The following TENM3 variants were observed in gnomAD, a reference collection of about 807,000 sequenced individuals.
TENM3 encodes the protein teneurin transmembrane protein 3.
A neutral mutation model predicts 255.1 loss-of-function variants in TENM3; 63 were observed. The ratio of observed to expected loss-of-function variants is 0.25; its 90% confidence interval spans 0.20 to 0.30. The LOEUF (loss-of-function observed/expected upper bound fraction) is 0.30, where lower values mean the gene tolerates loss of function less well. Ranked by LOEUF, TENM3 falls within the 10% of genes least tolerant of loss-of-function variation. TENM3 has a pLI of 1.00. For missense variants in TENM3, 2,929 were observed against 3,461.1 expected, an observed-to-expected ratio of 0.85 and a Z score of 3.86; for synonymous variants, 1,306 against 1,322.3, an observed-to-expected ratio of 0.99 and a Z score of 0.27.
intron 3 of TENM3, among the ~76,000 whole-genome samples, chr4:182,462,352 C>T (rs1287246161): frequency 2.0e-5 from 3 of 151,998 alleles, no homozygotes; most frequent in East Asian, 3.9e-4. Flanking sequence ...AGCCACTGCT[C>T]CCGGCCTAGG....
chr4:182,073,554 G>C, the TENM3 span, among the ~76,000 whole-genome samples: 1 of 152,188 alleles, frequency 6.6e-6, no homozygotes, highest in South Asian at 2.1e-4. Context: ...GTGGTGTTTT[G>C]TTATGGCAGC....
rs555855579 is a variant in TENM3 at position 182,233,756 on chromosome 4, C to T, written c.-76+89002C>T. Among the ~76,000 whole-genome samples, 5 of 152,314 alleles carry T rather than the reference C, an allele frequency of 3.3e-5. No homozygotes were observed. The South Asian group carries it at 1.0e-3, about 32-fold the overall frequency. On this transcript the variant is annotated intron_variant, in intron 1 of 2. Coordinates refer to the TENM3 transcript ENST00000512480. ...AATGTCCTAGGTGACAAGATATTTC[C>T]AGTTTTTTCCCATTGAACAAAAAAA... is the stretch of plus-strand genomic sequence containing the variant.
intron 17 of TENM3, 79 bp from the exon 18 acceptor site, chr4:182,738,322 C>A: frequency 7.5e-7 from 1 of 1,337,026 alleles, no homozygotes; most frequent in Non-Finnish European, 1.0e-6. Context: ...GTGAAAAAGG[C>A]AGTTTTTTCC....
At chr4:181,787,645 A>G in the TENM3 span, among the ~76,000 whole-genome samples, 2 of 152,036 alleles carry the variant, frequency 1.3e-5, no homozygotes, top group African/African-American at 4.8e-5. Context: ...TGGCCCATCC[A>G]TCCTTAACAT....
At chr4:182,005,493 C>T in the TENM3 span, among the ~76,000 whole-genome samples, 23 of 152,170 alleles carry the variant, frequency 1.5e-4, no homozygotes, top group Non-Finnish European at 2.1e-4. Flanking sequence ...AGTTTGAAGT[C>T]AGGTAGCGTG....
chr4:182,678,690 AG>A (rs971160284), intron 7 of TENM3, among the ~76,000 whole-genome samples: 9 of 152,196 alleles, frequency 5.9e-5, no homozygotes, highest in Non-Finnish European at 4.4e-5. Context: ...CCTTCCTACG[AG>A]GGTTCCTATG....
the TENM3 span, among the ~76,000 whole-genome samples, chr4:181,964,561 C>T: frequency 5.9e-5 from 9 of 151,814 alleles, no homozygotes; most frequent in African/African-American, 2.2e-4. Flanking sequence ...TCTTCATCCC[C>T]CCAACACTCT....
chr4:182,799,768 A>G lies in TENM3; in HGVS notation c.7517A>G (p.Gln2506Arg). The part of the protein sequence containing the change: ...IGKGVMLAVS[Q>R]GRVQTNVLNI... Reference sequence around the variant, plus strand: ...AAGGGCGTCATGCTGGCCGTCAGCCAGGGCCGCGTGCAGACCAACGTGCTC... The same window carrying G: ...AAGGGCGTCATGCTGGCCGTCAGCCGGGGCCGCGTGCAGACCAACGTGCTC... Residue 2506 changes from glutamine (Q) to arginine (R), a missense_variant, in exon 28 of 28, where the codon CAG becomes CGG. Gln to Arg is a conservative substitution (Grantham distance 43). Around this residue, in one of 6 missense-constraint regions of TENM3, gnomAD observed 476 missense variants for 480.1 expected, o/e 0.99. Transcript: ENST00000511685. This position sits in a 1 kb window ranked among gnomAD's most constrained non-coding sequence, Gnocchi z 4.2. 6.3e-7 allele frequency: 1 copy of G among 1,583,216 alleles called. No homozygotes were observed. Among genetic ancestry groups the G allele is most frequent in the Non-Finnish European group, 8.6e-7 (1 of 1,165,768 alleles).
At chr4:181,783,736 C>T in the TENM3 span, among the ~76,000 whole-genome samples, 2 of 152,132 alleles carry the variant, frequency 1.3e-5, no homozygotes, top group Non-Finnish European at 2.9e-5. Context: ...CTCTGTTGTC[C>T]AGGCGAGAGT....
chr4:182,592,842 TAAAG>T (rs1312095198), intron 3 of TENM3, among the ~76,000 whole-genome samples: 4 of 152,188 alleles, frequency 2.6e-5, no homozygotes, highest in African/African-American at 9.6e-5. Context: ...CGAGAGAAAG[TAAAG>T]ATATAGCCAG....
intron 18 of TENM3, among the ~76,000 whole-genome samples, chr4:182,740,670 C>A (rs939211032): frequency 3.9e-5 from 6 of 152,146 alleles, no homozygotes; most frequent in Non-Finnish European, 7.3e-5. Flanking sequence ...CGAAAAAGCC[C>A]ATGCCTCTGT....
intron 1 of TENM3, among the ~76,000 whole-genome samples, chr4:182,321,052 C>T (rs1432330314): frequency 6.6e-6 from 1 of 152,154 alleles, no homozygotes; most frequent in African/African-American, 2.4e-5. Context: ...ATCTTTATTA[C>T]TAAAAATGCT....
chr4:182,301,973 G>A (rs1035649378), intron 1 of TENM3, among the ~76,000 whole-genome samples: 17 of 152,078 alleles, frequency 1.1e-4, no homozygotes, highest in Admixed American at 7.2e-4. Context: ...TCCATATCAT[G>A]GGAAAAATAC....
chr4:181,516,368 TAA>T, the TENM3 span, among the ~76,000 whole-genome samples: 1 of 141,278 alleles, frequency 7.1e-6, no homozygotes, highest in East Asian at 2.1e-4. Context: ...AAAAAATATT[TAA>T]AAAAAAAAAA....
the TENM3 span, among the ~76,000 whole-genome samples, chr4:181,974,590 T>C: frequency 6.6e-6 from 1 of 151,338 alleles, no homozygotes; most frequent in Non-Finnish European, 1.5e-5. Flanking sequence ...AAAAAAAGAA[T>C]CAATGTGGCA....
the TENM3 span, among the ~76,000 whole-genome samples, chr4:181,999,277 G>A: frequency 6.6e-6 from 1 of 152,272 alleles, no homozygotes; most frequent in African/African-American, 2.4e-5. Context: ...AGGACTTAAA[G>A]ACCAGGCAGG....
chr4:182,691,353 G>A (rs765100238), intron 12 of TENM3, among the ~76,000 whole-genome samples: 3 of 152,160 alleles, frequency 2.0e-5, no homozygotes, highest in Non-Finnish European at 4.4e-5. Context: ...ATACCAAACA[G>A]GAAGGTTAAT....
the TENM3 span, among the ~76,000 whole-genome samples, chr4:182,100,580 T>TATATACACAC: frequency 1.0e-5 from 1 of 99,504 alleles, no homozygotes; most frequent in African/African-American, 4.6e-5. Context: ...TATATACACA[T>TATATACACAC]ATATATACAC....
intron 18 of TENM3, among the ~76,000 whole-genome samples, chr4:182,740,572 A>G (rs1761525469): frequency 6.6e-6 from 1 of 152,230 alleles, no homozygotes; most frequent in Admixed American, 6.5e-5. Flanking sequence ...TGATGAGAGT[A>G]TAGGGTAAAG....
Sources: allele counts gnomAD v4.1 joint callset (sites outside exome capture counted in the v4.1 genomes callset), GRCh38; gene constraint gnomAD v4.1.1; regional missense constraint gnomAD v4.1.1; non-coding constraint Gnocchi (gnomAD v3.1); transcripts MANE v1.5; gene names NCBI Gene and HGNC (gene_info 2026-07-23, HGNC 2026-07-21).